Variants in TRAPPC12 observed in about 807,000 individuals in gnomAD.
The protein encoded by TRAPPC12 is TPR repeat protein 15.
A neutral mutation model predicts 69.2 loss-of-function variants in TRAPPC12; 61 were observed. The ratio of observed to expected loss-of-function variants is 0.88; its 90% CI spans 0.72 to 1.09. The LOEUF (loss-of-function observed/expected upper bound fraction) is 1.09. Among genes scored for constraint, TRAPPC12 ranks in the 50% least tolerant of loss-of-function variants. The pLI, the probability that TRAPPC12 is intolerant of heterozygous loss-of-function variation, is 0.00. For missense variants in TRAPPC12, 1,101 were observed against 1,016.4 expected (o/e 1.08, Z -1.13); for synonymous variants, 469 against 438.9 (o/e 1.07, Z -0.86).
intron 7 of TRAPPC12, chr2:3,458,190 G>T (rs972421601): frequency 2.0e-6 from 2 of 999,108 alleles, no homozygotes; most frequent in Non-Finnish European, 2.4e-6. Context: ...CCCCTTGGGG[G>T]ACTGGGTGGG....
Position 3,430,945 on chromosome 2 carries a change from T to C in TRAPPC12, c.1417+6282T>C, listed in dbSNP as rs1663395022. On this transcript the variant is annotated intron_variant, in intron 5 of 11. Coordinates refer to ENST00000324266, the MANE Select transcript of TRAPPC12 (RefSeq NM_016030.6). Reference sequence around the variant, plus strand: ...GGGTGTGGAGGAGCTCTGCACACTGTTGTTGGGACCATCCACTGGGTGTGA... The same window carrying C: ...GGGTGTGGAGGAGCTCTGCACACTGCTGTTGGGACCATCCACTGGGTGTGA... 3.3e-5 allele frequency among the ~76,000 whole-genome samples: 5 copies of C among 151,898 alleles called. No homozygotes were observed. In the South Asian group the frequency reaches 1.0e-3, roughly 32 times the overall value.
chr2:3,448,098 G>A (rs985001156), intron 6 of TRAPPC12, among the ~76,000 whole-genome samples: 8 of 152,222 alleles, frequency 5.3e-5, no homozygotes, highest in African/African-American at 1.9e-4. Flanking sequence ...AATGCATTAT[G>A]TTGATTACCC....
At chr2:3,450,086 C>A (rs1207719829) in intron 6 of TRAPPC12, among the ~76,000 whole-genome samples, 1 of 152,108 alleles carries the variant, frequency 6.6e-6, no homozygotes, top group Non-Finnish European at 1.5e-5. Flanking sequence ...CCTTCAGAAA[C>A]CTCTAGAGTT....
Position 3,414,342 on chromosome 2 carries a change from C to T in TRAPPC12, c.1165-7539C>T, listed in dbSNP as rs1662221184. Reference sequence around the variant, plus strand: ...GATCTCAGAAGAAATCTCACTTCGTCGTGTGATCCAGATAAGCATGGCAGT... The same window carrying T: ...GATCTCAGAAGAAATCTCACTTCGTTGTGTGATCCAGATAAGCATGGCAGT... On this transcript the variant is annotated intron_variant, in intron 3 of 11. Coordinates refer to ENST00000324266, the MANE Select transcript of TRAPPC12 (RefSeq NM_016030.6). This position sits in a 1 kb window ranked among gnomAD's most constrained non-coding sequence, Gnocchi z 4.9. Among the ~76,000 whole-genome samples, 6 of 152,120 alleles carry T rather than the reference C, an allele frequency of 3.9e-5. No individual in the cohort carries two copies. The highest frequency in any genetic ancestry group is 3.9e-4 in the Admixed American group (6 of 15,272).
chr2:3,414,456 C>G lies in TRAPPC12; in HGVS notation c.1165-7425C>G, dbSNP rs1045046256. 1.1e-4 allele frequency among the ~76,000 whole-genome samples: 16 copies of G among 152,216 alleles called. No homozygotes were observed. Among genetic ancestry groups the G allele is most frequent in the African/African-American group, 2.4e-4 (10 of 41,534 alleles). On this transcript the variant is annotated intron_variant, in intron 3 of 11. Transcript: ENST00000324266. This position sits in a 1 kb window ranked among gnomAD's most constrained non-coding sequence, Gnocchi z 4.9. Reference sequence around the variant, plus strand: ...AGCCCCCCGGGTTCTTGTCCTCCCCCCTGCCGCCACCCTGGGGTCTGCCAC... The same window carrying G: ...AGCCCCCCGGGTTCTTGTCCTCCCCGCTGCCGCCACCCTGGGGTCTGCCAC...
intron 5 of TRAPPC12, among the ~76,000 whole-genome samples, chr2:3,439,660 A>G (rs759098112): frequency 6.6e-6 from 1 of 152,186 alleles, no homozygotes. Flanking sequence ...CTTTAATACT[A>G]CGTTGGACAG....
At chr2:3,479,129 G>C in intron 11 of TRAPPC12, 90 bp from the exon 12 acceptor site, 1 of 1,558,856 alleles carries the variant, frequency 6.4e-7, no homozygotes, top group Non-Finnish European at 8.7e-7. Context: ...ACCACCCCCA[G>C]GCCCCTAACA....
At position 3,457,282 on chromosome 2, in the gene TRAPPC12, T is replaced by G. The variant is rs1665203993; in HGVS notation, c.1531-339T>G. On this transcript the variant is annotated intron_variant, in intron 6 of 11. Coordinates refer to ENST00000324266, the MANE Select transcript of TRAPPC12 (RefSeq NM_016030.6). ...CATGGACAAAAAATAGACCAGAGAC[T>G]ACCAGTGGGGGGAGGGTGGGATGGG... The G allele has an allele frequency of 4.4e-5, 17 of 386,236 alleles. No individual in the cohort carries two copies. In the Middle Eastern group the frequency reaches 5.6e-3, roughly 127 times the overall value. 23.9% of individuals were successfully genotyped at this position (386,236 alleles called of 1,614,324 possible). A position where few individuals can be genotyped will look rare whatever the true frequency, so the allele number is the denominator to read the frequency against.
At position 3,401,765 on chromosome 2, in the gene TRAPPC12, T is replaced by C. The variant is rs764422965; in HGVS notation, c.1048-12T>C. ...TTATTGTCTTGACATATTTTTCTTC[T>C]ATTCTTCCCAGGGAGATGCAGTTAA... On this transcript the variant is annotated splice_polypyrimidine_tract_variant and intron_variant, in intron 2 of 11. Transcript: ENST00000324266. The C allele has an allele frequency of 1.1e-5, 17 of 1,534,370 alleles. No homozygotes were observed. In the East Asian group the frequency reaches 3.7e-4, roughly 34 times the overall value.
rs575041522 is a variant in TRAPPC12, at chr2:3,461,111, G to T, written c.1677+775G>T. Among the ~76,000 whole-genome samples the T allele has an allele frequency of 2.6e-5, 4 of 152,324 alleles. No homozygotes were observed. The South Asian group carries it at 8.3e-4, about 32-fold the overall frequency. On this transcript the variant is annotated intron_variant, in intron 8 of 11. Coordinates refer to ENST00000324266, the MANE Select transcript of TRAPPC12 (RefSeq NM_016030.6). ...CCCATGCGGCTTTCATGGGGCCAAG[G>T]TCATTCCTGAGCTTGATTTTCAGCA...
In TRAPPC12 at chr2:3,388,073, G is replaced by C. The variant is rs961740282; in HGVS notation, c.450G>C (p.Glu150Asp). The C allele has an allele frequency of 2.0e-6, 3 of 1,530,276 alleles. No homozygotes were observed. Among genetic ancestry groups the C allele is most frequent in the African/African-American group, 2.8e-5 (2 of 70,980 alleles). 94.8% of individuals were successfully genotyped at this position (1,530,276 alleles called of 1,614,324 possible). ...PGSEAARPEQEPPVAEPVPVC... is the reference protein window; with the variant it reads ...PGSEAARPEQDPPVAEPVPVC... ...GCGAAGCCGCGCGCCCGGAGCAGGA[G>C]CCTCCCGTTGCGGAGCCGGTCCCGG... is the stretch of plus-strand genomic sequence containing the variant. Residue 150 changes from glutamate to aspartate, a missense_variant, in exon 2 of 12, where the codon GAG (glutamate) becomes GAC (aspartate). Transcript: ENST00000324266.
intron 6 of TRAPPC12, among the ~76,000 whole-genome samples, chr2:3,453,549 G>A (rs761549802): frequency 5.9e-4 from 90 of 152,190 alleles, no homozygotes; most frequent in Non-Finnish European, 9.0e-4. Context: ...CAGCAGGGAG[G>A]GTGTGGGTGC....
chr2:3,416,317 G>A (rs975296421), intron 3 of TRAPPC12, among the ~76,000 whole-genome samples: 48 of 152,076 alleles, frequency 3.2e-4, no homozygotes, highest in Admixed American at 4.6e-4. Flanking sequence ...ACAGGCATTC[G>A]CACCGTGACT....
chr2:3,384,944 G>A (rs370929127), intron 1 of TRAPPC12, among the ~76,000 whole-genome samples: 81 of 152,220 alleles, frequency 5.3e-4, no homozygotes, highest in Middle Eastern at 3.4e-3. Context: ...GAACTATCTC[G>A]TCATATATAC....
intron 5 of TRAPPC12, among the ~76,000 whole-genome samples, chr2:3,434,738 C>T (rs1467982474): frequency 6.6e-6 from 1 of 152,194 alleles, no homozygotes; most frequent in African/African-American, 2.4e-5. Context: ...TGCCAAGTGG[C>T]CTGGTGGCCG....
chr2:3,399,808 T>TC (rs1413817941), intron 2 of TRAPPC12, among the ~76,000 whole-genome samples: 4,234 of 135,406 alleles, frequency 0.031, 80 homozygotes, highest in Non-Finnish European at 0.045. Flanking sequence ...TTTCCCCCGC[T>TC]CCCCCCGCCA....
intron 5 of TRAPPC12, among the ~76,000 whole-genome samples, chr2:3,433,022 T>C (rs1663525490): frequency 6.6e-6 from 1 of 152,224 alleles, no homozygotes; most frequent in African/African-American, 2.4e-5. Flanking sequence ...CTTAGGACTT[T>C]CTCACTGTTT....
rs1662209183 is a variant in TRAPPC12 at position 3,414,124 on chromosome 2, TA to T, written c.1165-7753del. ...ACCCCTCACACATTTTTAAGCTATC[TA>T]AAATGTTTTATCATAAATTTAAATG... is the stretch of plus-strand genomic sequence containing the variant. On this transcript the variant is annotated intron_variant, in intron 3 of 11. Coordinates refer to ENST00000324266, the MANE Select transcript of TRAPPC12 (RefSeq NM_016030.6). This position sits in a 1 kb window ranked among gnomAD's most constrained non-coding sequence, Gnocchi z 4.9. 6.6e-6 allele frequency among the ~76,000 whole-genome samples: 1 copy of T among 152,206 alleles called. No individual in the cohort carries two copies. The highest frequency in any genetic ancestry group is 1.5e-5 in the Non-Finnish European group (1 of 68,036).
At chr2:3,453,752 A>G (rs1171578627) in intron 6 of TRAPPC12, among the ~76,000 whole-genome samples, 6 of 152,224 alleles carry the variant, frequency 3.9e-5, no homozygotes, top group African/African-American at 1.2e-4. Flanking sequence ...CACATTTGCA[A>G]ACGACACACT....
Sources: gnomAD v4.1 joint callset for allele counts (sites outside exome capture counted in the v4.1 genomes callset) on GRCh38, gnomAD v4.1.1 for gene constraint, Gnocchi (gnomAD v3.1) non-coding constraint, MANE v1.5 for transcripts, NCBI Gene and HGNC (gene_info 2026-07-23, HGNC 2026-07-21) for gene names.